The following GRIK1 variants were observed in gnomAD, a reference collection of about 807,000 sequenced individuals.
The protein encoded by GRIK1 is glutamate receptor ionotropic, kainate 1.
GRIK1 carries 69 observed loss-of-function variants against 105.7 expected under a neutral mutation model. That is an observed-to-expected ratio of 0.65 (90% CI 0.54 to 0.80). GRIK1 has a LOEUF of 0.80. GRIK1 is among the 30% of genes least tolerant of loss of function. The probability of loss-of-function intolerance (pLI) is 0.00; values close to 1 mark genes in which losing one functional copy is unlikely to be tolerated. For synonymous variants in GRIK1, 438 were observed against 431.3 expected (o/e 1.02, Z -0.19); for missense variants, 1,109 against 1,167.3 (o/e 0.95, Z 0.73).
chr21:29,701,047 AGTT>A lies in GRIK1; in HGVS notation c.119-6987_119-6985del, dbSNP rs374784969. Among the ~76,000 whole-genome samples the A allele has an allele frequency of 2.9e-3, 446 of 152,286 alleles. 5 individuals carry two copies. Among genetic ancestry groups the A allele is most frequent in the African/African-American group, 0.01 (425 of 41,556 alleles). On this transcript the variant is annotated intron_variant, in intron 1 of 17. Coordinates refer to ENST00000327783, the MANE Select transcript of GRIK1 (RefSeq NM_001330994.2). The stretch of plus-strand genomic sequence containing the variant: ...ATAGAATTAAAATCCACCTATATTT[AGTT>A]GTTGTTGTTGTTCTACTTCAATTCA...
In GRIK1 at chr21:29,892,280, G is replaced by A. The variant is rs181065786; in HGVS notation, c.118+47103C>T. 1.6e-3 allele frequency among the ~76,000 whole-genome samples: 241 copies of A among 152,332 alleles called. 1 individual carries two copies. The highest frequency in any genetic ancestry group is 3.9e-3 in the African/African-American group (161 of 41,584). On this transcript the variant is annotated intron_variant, in intron 1 of 17. Coordinates refer to ENST00000327783, the MANE Select transcript of GRIK1 (RefSeq NM_001330994.2). ...GAAGTGACTTTGAGTAGTTTTGTAA[G>A]CAGAAAGCAACACCTTTGAGAAGCT...
chr21:29,861,304 T>C (rs1412250932), intron 1 of GRIK1, among the ~76,000 whole-genome samples: 1 of 66,102 alleles, frequency 1.5e-5, no homozygotes, highest in Non-Finnish European at 3.4e-5. Context: ...CTTTTTGTAC[T>C]TACTCTTTTT....
At chr21:29,648,237 A>G (rs16984653) in intron 6 of GRIK1, among the ~76,000 whole-genome samples, 18,302 of 152,200 alleles carry the variant, frequency 0.12, 1,153 homozygotes, top group African/African-American at 0.15. Context: ...ACAGCTACAG[A>G]GAAATTCACC....
intron 1 of GRIK1, among the ~76,000 whole-genome samples, chr21:29,924,650 C>T (rs1055454566): frequency 8.5e-5 from 13 of 152,106 alleles, no homozygotes; most frequent in Admixed American, 4.6e-4. Context: ...ATTTTATTCT[C>T]CCCCGACCTT....
intron 1 of GRIK1, among the ~76,000 whole-genome samples, chr21:29,714,819 T>C (rs994062178): frequency 6.6e-6 from 1 of 152,206 alleles, no homozygotes; most frequent in Non-Finnish European, 1.5e-5. Flanking sequence ...TCTTTGTTCC[T>C]CAATTTTTTT....
At chr21:29,640,832 A>G (rs1019878434) in intron 7 of GRIK1, among the ~76,000 whole-genome samples, 1 of 152,142 alleles carries the variant, frequency 6.6e-6, no homozygotes, top group Non-Finnish European at 1.5e-5. Context: ...CTGCAGGGAA[A>G]AGGAGGTGGT....
chr21:29,755,335 G>C (rs1320474919), intron 1 of GRIK1, among the ~76,000 whole-genome samples: 1 of 152,210 alleles, frequency 6.6e-6, no homozygotes, highest in Admixed American at 6.5e-5. Context: ...AAAAGGGAAA[G>C]GGAGAACTTA....
chr21:29,623,704 T>G (rs996656946), intron 7 of GRIK1, among the ~76,000 whole-genome samples: 3 of 152,208 alleles, frequency 2.0e-5, no homozygotes, highest in Non-Finnish European at 4.4e-5. Flanking sequence ...TAAGCTATAA[T>G]TAATTTCAAA....
chr21:29,654,764 A>C (rs760283413), intron 5 of GRIK1, 46 bp downstream of exon 5: 24 of 1,053,340 alleles, frequency 2.3e-5, no homozygotes, highest in Non-Finnish European at 3.6e-5. Flanking sequence ...AACTGTGTGA[A>C]GACGTTTCCT....
At chr21:29,653,110 A>T (rs1433607790) in intron 5 of GRIK1, among the ~76,000 whole-genome samples, 1 of 152,166 alleles carries the variant, frequency 6.6e-6, no homozygotes, top group African/African-American at 2.4e-5. Flanking sequence ...GCCAACCAGG[A>T]CAGAATGCAG....
At chr21:29,792,666 T>C (rs551408446) in intron 1 of GRIK1, among the ~76,000 whole-genome samples, 2 of 152,314 alleles carry the variant, frequency 1.3e-5, no homozygotes, top group East Asian at 3.9e-4. Flanking sequence ...CTCTGAAATA[T>C]TTCCTTTGCT....
rs191046532 is a variant in GRIK1, at chr21:29,627,226, T to A, written c.1098+15600A>T. On this transcript the variant is annotated intron_variant, in intron 7 of 17. Coordinates refer to ENST00000327783, the MANE Select transcript of GRIK1 (RefSeq NM_001330994.2). ...GTCAGTTATTCATGTTAGCACTCTC[T>A]TTCCCAATTAGTTGTTAACTTTTTG... Among the ~76,000 whole-genome samples, 131 of 152,346 alleles carry A rather than the reference T, an allele frequency of 8.6e-4. 4 individuals carry two copies. In the South Asian group the frequency reaches 0.026, roughly 30 times the overall value.
intron 1 of GRIK1, chr21:29,748,709 T>A (rs541972130): frequency 1.3e-5 from 2 of 152,224 alleles, no homozygotes; most frequent in African/African-American, 2.4e-5. Flanking sequence ...ATTACACACA[T>A]GAGAACTCAA....
intron 1 of GRIK1, among the ~76,000 whole-genome samples, chr21:29,937,289 C>T (rs1030964795): frequency 1.3e-5 from 2 of 152,182 alleles, no homozygotes; most frequent in African/African-American, 2.4e-5. Flanking sequence ...TACGGGGCAA[C>T]AGTGCTCATG....
chr21:29,786,563 G>C (rs2066266719), intron 1 of GRIK1, among the ~76,000 whole-genome samples: 1 of 151,942 alleles, frequency 6.6e-6, no homozygotes, highest in Admixed American at 6.6e-5. Context: ...TATCCTTCTT[G>C]GTGTCTGTCC....
At chr21:29,816,897 A>C (rs181801702) in intron 1 of GRIK1, among the ~76,000 whole-genome samples, 1 of 152,296 alleles carries the variant, frequency 6.6e-6, no homozygotes, top group Admixed American at 6.5e-5. Context: ...TATAGTTAAC[A>C]ACAATGTACT....
intron 1 of GRIK1, among the ~76,000 whole-genome samples, chr21:29,720,728 C>T (rs566319933): frequency 1.2e-4 from 18 of 152,204 alleles, no homozygotes; most frequent in African/African-American, 4.3e-4. Flanking sequence ...GCTTCCTAAG[C>T]GTACACACAC....
chr21:29,575,541 A>C (rs2090870438), intron 14 of GRIK1, among the ~76,000 whole-genome samples: 1 of 152,158 alleles, frequency 6.6e-6, no homozygotes, highest in Admixed American at 6.5e-5. Flanking sequence ...TATTTAAAAA[A>C]AAATACCCCT....
chr21:29,879,777 C>A (rs190574238), intron 1 of GRIK1, among the ~76,000 whole-genome samples: 3 of 152,090 alleles, frequency 2.0e-5, no homozygotes, highest in African/African-American at 7.2e-5. Flanking sequence ...TAAGGCCAAG[C>A]AATTTTGCAA....
Sources: gnomAD v4.1 joint callset for allele counts (sites outside exome capture counted in the v4.1 genomes callset) on GRCh38, gnomAD v4.1.1 for gene constraint, MANE v1.5 for transcripts, NCBI Gene and HGNC (gene_info 2026-07-23, HGNC 2026-07-21) for gene names.